The following ADGRL2 variants were observed in gnomAD, a reference collection of about 807,000 sequenced individuals.
The protein encoded by ADGRL2 is adhesion G protein-coupled receptor L2.
Under a neutral mutation model 157.4 loss-of-function variants are expected in ADGRL2, and 44 were observed. The ratio of observed to expected loss-of-function variants is 0.28; its 90% confidence interval spans 0.22 to 0.36. The LOEUF is 0.36. Among genes scored for constraint, ADGRL2 ranks in the 10% least tolerant of loss-of-function variants. The pLI is 1.00. For missense variants in ADGRL2, 1,510 were observed against 1,768.9 expected, an observed-to-expected ratio of 0.85 and a Z score of 2.63; for synonymous variants, 585 against 624.7, an observed-to-expected ratio of 0.94 and a Z score of 0.95.
intron 1 of ADGRL2, among the ~76,000 whole-genome samples, chr1:81,335,914 G>T (rs1481953434): frequency 6.6e-6 from 1 of 151,892 alleles, no homozygotes; most frequent in Non-Finnish European, 1.5e-5. Flanking sequence ...CCCTTGCAGT[G>T]CTTAGTGGAA....
intron 1 of ADGRL2, chr1:81,427,276 T>C: frequency 1.4e-6 from 1 of 738,058 alleles, no homozygotes; most frequent in Non-Finnish European, 2.5e-6. Context: ...GAGGTGATGG[T>C]GGATATAATG....
At position 81,812,939 on chromosome 1, in the gene ADGRL2, T is replaced by A. The variant is rs568922846; in HGVS notation, c.-101+11871T>A. Reference sequence around the variant, plus strand: ...TACTTGATTGAAACCTGAATTCTGTTTATGACTCTGTGCCAGCTGAATTTC... The same window carrying A: ...TACTTGATTGAAACCTGAATTCTGTATATGACTCTGTGCCAGCTGAATTTC... On this transcript the variant is annotated intron_variant, in intron 1 of 23. Coordinates refer to ENST00000686636, the MANE Select transcript of ADGRL2 (RefSeq NM_001366006.2). Among the ~76,000 whole-genome samples, 52 of 151,938 alleles carry A rather than the reference T, an allele frequency of 3.4e-4. No individual in the cohort carries two copies. The South Asian group carries it at 0.011, about 31-fold the overall frequency.
At chr1:81,571,984 A>G (rs1391045826) in intron 2 of ADGRL2, among the ~76,000 whole-genome samples, 1 of 152,214 alleles carries the variant, frequency 6.6e-6, no homozygotes, top group Non-Finnish European at 1.5e-5. Context: ...AAGTCATCCA[A>G]CAAAAAGTAA....
At chr1:81,685,377 AT>A (rs35249825) in intron 3 of ADGRL2, among the ~76,000 whole-genome samples, 23,040 of 145,908 alleles carry the variant, frequency 0.16, 1,799 homozygotes, top group African/African-American at 0.2. Context: ...ATTGCTAAGT[AT>A]TTTTTTTTTT....
At chr1:81,919,521 T>C (rs1294599953) in intron 3 of ADGRL2, among the ~76,000 whole-genome samples, 1 of 150,716 alleles carries the variant, frequency 6.6e-6, no homozygotes, top group Non-Finnish European at 1.5e-5. Context: ...TCTGTTAGAT[T>C]TATAATAAAA....
chr1:81,683,578 A>G (rs1306646317), intron 3 of ADGRL2, among the ~76,000 whole-genome samples: 1 of 152,160 alleles, frequency 6.6e-6, no homozygotes, highest in Non-Finnish European at 1.5e-5. Context: ...TTCACTTAGG[A>G]TAATAGTCTC....
intron 1 of ADGRL2, among the ~76,000 whole-genome samples, chr1:81,317,814 A>G (rs1219296703): frequency 6.6e-6 from 1 of 152,192 alleles, no homozygotes; most frequent in African/African-American, 2.4e-5. Flanking sequence ...GTTTCAAAAC[A>G]TAATTATATG....
At chr1:81,781,224 T>C (rs1333459321) in intron 2 of ADGRL2, among the ~76,000 whole-genome samples, 1 of 151,858 alleles carries the variant, frequency 6.6e-6, no homozygotes, top group Non-Finnish European at 1.5e-5. Context: ...TAACATGGAG[T>C]GGGTCTGAGG....
intron 3 of ADGRL2, among the ~76,000 whole-genome samples, chr1:81,617,637 C>T (rs776743975): frequency 7.9e-5 from 12 of 152,352 alleles, no homozygotes; most frequent in Admixed American, 2.6e-4. Flanking sequence ...ATACGGGACA[C>T]ACTACTTGCA....
At chr1:81,610,641 A>G (rs1027539652) in intron 3 of ADGRL2, among the ~76,000 whole-genome samples, 1 of 152,202 alleles carries the variant, frequency 6.6e-6, no homozygotes, top group Admixed American at 6.6e-5. Context: ...AACAGATTGC[A>G]GGTGGGTAAG....
At chr1:81,523,104 A>G (rs1350071893) in intron 2 of ADGRL2, among the ~76,000 whole-genome samples, 3 of 152,192 alleles carry the variant, frequency 2.0e-5, no homozygotes, top group Non-Finnish European at 4.4e-5. Context: ...CGGAAGTTCA[A>G]AAACTACTGA....
chr1:81,727,024 A>G (rs909882140), intron 1 of ADGRL2, among the ~76,000 whole-genome samples: 9 of 152,222 alleles, frequency 5.9e-5, no homozygotes, highest in Non-Finnish European at 1.5e-5. Context: ...TAATCAGTTT[A>G]TAGATATTGC....
intron 1 of ADGRL2, among the ~76,000 whole-genome samples, chr1:81,313,868 C>T (rs1254244099): frequency 6.6e-6 from 1 of 152,106 alleles, no homozygotes; most frequent in Non-Finnish European, 1.5e-5. Context: ...ATTCCCTCAT[C>T]ATTGCTTCAT....
intron 3 of ADGRL2, among the ~76,000 whole-genome samples, chr1:81,615,594 A>T (rs541832997): frequency 6.6e-6 from 1 of 152,310 alleles, no homozygotes; most frequent in South Asian, 2.1e-4. Context: ...ACTCACCGCG[A>T]GGGTCTGCGG....
intron 3 of ADGRL2, among the ~76,000 whole-genome samples, chr1:81,933,781 G>T (rs75565726): frequency 6.6e-6 from 1 of 151,956 alleles, no homozygotes; most frequent in African/African-American, 2.4e-5. Context: ...ATAAATGTCT[G>T]TATTTCTATT....
intron 3 of ADGRL2, among the ~76,000 whole-genome samples, chr1:81,670,932 A>T (rs1212427671): frequency 4.6e-5 from 7 of 152,070 alleles, no homozygotes; most frequent in African/African-American, 1.4e-4. Flanking sequence ...CTGGTCTCAA[A>T]CTCCTGAGCT....
At chr1:81,828,438 T>C (rs927575646) in intron 1 of ADGRL2, among the ~76,000 whole-genome samples, 2 of 152,196 alleles carry the variant, frequency 1.3e-5, no homozygotes, top group Non-Finnish European at 2.9e-5. Context: ...TGCTTTTCTT[T>C]ATATGTGGAG....
chr1:81,769,756 T>C (rs947763825), intron 2 of ADGRL2, among the ~76,000 whole-genome samples: 1 of 152,190 alleles, frequency 6.6e-6, no homozygotes, highest in Non-Finnish European at 1.5e-5. Context: ...TACAGATCAA[T>C]CTGAAGGGAA....
chr1:81,518,093 A>T (rs1179438993), intron 2 of ADGRL2, among the ~76,000 whole-genome samples: 2 of 152,250 alleles, frequency 1.3e-5, no homozygotes, highest in Non-Finnish European at 2.9e-5. Context: ...GCGAGGAAGG[A>T]TGGAGAGTTC....
Sources: gnomAD v4.1 joint callset for allele counts (sites outside exome capture counted in the v4.1 genomes callset) on GRCh38, gnomAD v4.1.1 for gene constraint, MANE v1.5 for transcripts, NCBI Gene and HGNC (gene_info 2026-07-23, HGNC 2026-07-21) for gene names.